Variants in ATP10D observed in about 807,000 individuals in gnomAD.
ATP10D encodes ATPase phospholipid transporting 10D (putative).
In ATP10D, 89 loss-of-function variants were observed where a neutral mutation model predicts 144.8. The ratio of observed to expected loss-of-function variants is 0.61; its 90% confidence interval spans 0.52 to 0.73. The LOEUF is 0.73. ATP10D is among the 30% of genes least tolerant of loss of function. The pLI is 0.00. For missense variants in ATP10D, 1,603 were observed against 1,714.8 expected (o/e 0.93, Z 1.15); for synonymous variants, 571 against 615.1 (o/e 0.93, Z 1.06).
At chr4:47,586,845 A>G (rs1354658025) in intron 21 of ATP10D, among the ~76,000 whole-genome samples, 174 bp from the exon 22 acceptor site, 1 of 152,222 alleles carries the variant, frequency 6.6e-6, no homozygotes, top group Non-Finnish European at 1.5e-5. Context: ...GATGTAATTC[A>G]TTCACAAAAA....
chr4:47,588,442 C>T (rs1720884371), intron 22 of ATP10D, among the ~76,000 whole-genome samples: 1 of 152,126 alleles, frequency 6.6e-6, no homozygotes, highest in Non-Finnish European at 1.5e-5. Flanking sequence ...GTAAATAAAG[C>T]TTTGTTAGAA....
chr4:47,565,303 T>C (rs1299079980), intron 15 of ATP10D, among the ~76,000 whole-genome samples: 1 of 152,174 alleles, frequency 6.6e-6, no homozygotes, highest in Admixed American at 6.5e-5. Flanking sequence ...AGCACTCAGC[T>C]AAATGGTACA....
intron 1 of ATP10D, among the ~76,000 whole-genome samples, chr4:47,498,833 T>C (rs1715533626): frequency 6.6e-6 from 1 of 152,224 alleles, no homozygotes; most frequent in Non-Finnish European, 1.5e-5. Context: ...TTCCTAATAA[T>C]CTTGTAAAGA....
intron 14 of ATP10D, among the ~76,000 whole-genome samples, chr4:47,561,414 T>C (rs1172745202): frequency 6.6e-6 from 1 of 152,230 alleles, no homozygotes; most frequent in East Asian, 1.9e-4. Flanking sequence ...AGGCATTGGA[T>C]AAGGTGCTTA....
intron 14 of ATP10D, among the ~76,000 whole-genome samples, chr4:47,561,677 T>C (rs1325264301): frequency 1.3e-5 from 2 of 152,216 alleles, no homozygotes; most frequent in African/African-American, 2.4e-5. Flanking sequence ...CCCTCTTGTC[T>C]TGGATTAAAC....
chr4:47,485,645 A>G (rs1185478686), intron 1 of ATP10D, 126 bp downstream of exon 1: 1 of 151,766 alleles, frequency 6.6e-6, no homozygotes, highest in Non-Finnish European at 1.5e-5. Flanking sequence ...TTTAGATTTG[A>G]TGACATGGCT....
Position 47,546,779 on chromosome 4 carries a change from G to T in ATP10D, c.1552G>T (p.Ala518Ser). Residue 518 changes from alanine (A) to serine (S), a missense_variant, in exon 10 of 23, where the codon GCT (alanine) becomes TCT (serine). Ala to Ser is a moderately conservative substitution (Grantham distance 99, BLOSUM62 1). Transcript: ENST00000273859. ...GGGAAATAAGCCCTCAAATCATCTT[G>T]CTGGGAGCTCTTTTACTCTAGGAAG... ...PLGNKPSNHL[A>S]GSSFTLGSGE... The T allele has an allele frequency of 6.2e-7, 1 of 1,613,932 alleles. No homozygotes were observed. Among genetic ancestry groups the T allele is most frequent in the Non-Finnish European group, 8.5e-7 (1 of 1,179,982 alleles).
Position 47,535,931 on chromosome 4 carries a change from A to T in ATP10D, c.913A>T (p.Ser305Cys), listed in dbSNP as rs372137686. 1 of 1,612,882 alleles carries T rather than the reference A, an allele frequency of 6.2e-7. No homozygotes were observed. The highest frequency in any genetic ancestry group is 1.3e-5 in the African/African-American group (1 of 74,878). The change falls in exon 7 of 23, where the codon AGT becomes TGT. Residue 305 changes from serine (S) to cysteine (C), a missense_variant. Transcript: ENST00000273859. ...GHETKAMLNNSGPRYKRSKLE... is the reference protein window; with the variant it reads ...GHETKAMLNNCGPRYKRSKLE... ...TGAAACCAAAGCAATGCTGAACAAC[A>T]GTGGGCCACGGTATAAGCGCAGCAA...
chr4:47,551,706 TA>T (rs1293361613), intron 10 of ATP10D, among the ~76,000 whole-genome samples: 1 of 152,216 alleles, frequency 6.6e-6, no homozygotes, highest in Non-Finnish European at 1.5e-5. Flanking sequence ...AGGAATTATT[TA>T]AAGCAAGATG....
At chr4:47,589,468 C>T (rs1388432718) in intron 22 of ATP10D, among the ~76,000 whole-genome samples, 1 of 152,056 alleles carries the variant, frequency 6.6e-6, no homozygotes, top group African/African-American at 2.4e-5. Context: ...AAAAATTCTC[C>T]TAGACTTCCT....
chr4:47,494,856 TATCTG>T (rs1371047420), intron 1 of ATP10D, among the ~76,000 whole-genome samples: 1 of 152,204 alleles, frequency 6.6e-6, no homozygotes, highest in Non-Finnish European at 1.5e-5. Flanking sequence ...TTGAAACAAT[TATCTG>T]AGCTTTCTTT....
At chr4:47,578,656 C>T (rs1054162216) in intron 19 of ATP10D, among the ~76,000 whole-genome samples, 1 of 152,172 alleles carries the variant, frequency 6.6e-6, no homozygotes, top group Non-Finnish European at 1.5e-5. Context: ...TGTCCAGTGG[C>T]ATTTTGCTTG....
At chr4:47,560,082 C>G (rs980169212) in intron 13 of ATP10D, 1 of 152,166 alleles carries the variant, frequency 6.6e-6, no homozygotes, top group Admixed American at 6.5e-5. Flanking sequence ...CAAACCAACT[C>G]TGCCTTTTCA....
Position 47,509,943 on chromosome 4 carries a change from G to GGTGTGT in ATP10D, c.-37-2526_-37-2521dup, listed in dbSNP as rs67386792. On this transcript the variant is annotated intron_variant, in intron 1 of 22. Coordinates refer to ENST00000273859, the MANE Select transcript of ATP10D (RefSeq NM_020453.4). ...TATTTCATAGAACTTTTGTTTCAGG[G>GGTGTGT]GTGTGTGTGTGTGTGTGTGTGTGTG... 1.9e-3 allele frequency among the ~76,000 whole-genome samples: 270 copies of GGTGTGT among 143,812 alleles called. 3 individuals carry two copies. Among genetic ancestry groups the GGTGTGT allele is most frequent in the Middle Eastern group, 0.01 (3 of 288 alleles). 94.3% of individuals were successfully genotyped at this position (143,812 alleles called of 152,430 possible).
At chr4:47,583,096 C>T (rs933137731) in intron 21 of ATP10D, 4 of 152,258 alleles carry the variant, frequency 2.6e-5, no homozygotes, top group Admixed American at 2.6e-4. Context: ...AAGCTATGAT[C>T]ATGCCACTGC....
chr4:47,547,214 G>C (rs944945205), intron 10 of ATP10D: 1 of 257,394 alleles, frequency 3.9e-6, no homozygotes, highest in Non-Finnish European at 7.5e-6. Context: ...TTATCTCGTA[G>C]TCAGATAAGC....
intron 5 of ATP10D, among the ~76,000 whole-genome samples, chr4:47,534,801 A>T (rs143658755): frequency 6.9e-4 from 105 of 152,288 alleles, no homozygotes; most frequent in African/African-American, 2.4e-3. Context: ...TAGTAATAGA[A>T]GTTGTCAAAC....
chr4:47,589,983 T>C (rs919727331), intron 22 of ATP10D, among the ~76,000 whole-genome samples: 2 of 152,108 alleles, frequency 1.3e-5, no homozygotes, highest in Non-Finnish European at 2.9e-5. Context: ...AAAGCCTGTA[T>C]CATCAGATGC....
chr4:47,572,117 C>T (rs377464066), intron 16 of ATP10D, 37 bp from the exon 17 acceptor site: 12 of 1,593,094 alleles, frequency 7.5e-6, no homozygotes, highest in Non-Finnish European at 3.4e-6. Flanking sequence ...TTCTTTACTC[C>T]TCATATGTTT....
Sources: gnomAD v4.1 joint callset for allele counts (sites outside exome capture counted in the v4.1 genomes callset) on GRCh38, gnomAD v4.1.1 for gene constraint, MANE v1.5 for transcripts, NCBI Gene and HGNC (gene_info 2026-07-23, HGNC 2026-07-21) for gene names.